Variants in AGAP1 observed in about 807,000 individuals in gnomAD.
AGAP1 encodes ArfGAP with GTPase domain, ankyrin repeat and PH domain 1.
AGAP1 carries 29 observed loss-of-function variants against 105.3 expected under a neutral mutation model. The observed-to-expected ratio is 0.28, with a 90% CI of 0.21 to 0.38. The LOEUF is 0.38. Among genes scored for constraint, AGAP1 ranks in the 10% least tolerant of loss-of-function variants. AGAP1 has a pLI of 1.00. For synonymous variants in AGAP1, 509 were observed against 485.9 expected (o/e 1.05, Z -0.63); for missense variants, 998 against 1,165.1 (o/e 0.86, Z 2.09).
At chr2:235,907,333 C>T (rs954196601) in intron 10 of AGAP1, among the ~76,000 whole-genome samples, 6 of 152,096 alleles carry the variant, frequency 3.9e-5, no homozygotes, top group East Asian at 3.9e-4. Context: ...TGGCTGAGCA[C>T]GGTGGCTTGT....
rs150878626 is a variant in AGAP1, at chr2:235,927,598, G to A, written c.1325-3167G>A. On this transcript the variant is annotated intron_variant, in intron 11 of 17. Transcript: ENST00000304032. The surrounding 1 kb of genome is among the most constrained non-coding windows in gnomAD (Gnocchi z 4.4). ...TCAGCAACCTCCATTGGAACATTTC[G>A]TGGTCCCTTGTCTGGGGTTGAGATT... 3.8e-4 allele frequency among the ~76,000 whole-genome samples: 58 copies of A among 152,258 alleles called. No homozygotes were observed. The highest frequency in any genetic ancestry group is 3.4e-3 in the Middle Eastern group (1 of 294).
At position 236,082,161 on chromosome 2, in the gene AGAP1, C is replaced by T. The variant is rs1433992034; in HGVS notation, c.2114+32880C>T. Reference sequence around the variant, plus strand: ...TAGATGTCCATTTCTGTAAGTTTTCCCTCTAGAACAAACCTATCATTTTTC... The same window carrying T: ...TAGATGTCCATTTCTGTAAGTTTTCTCTCTAGAACAAACCTATCATTTTTC... On this transcript the variant is annotated intron_variant, in intron 16 of 17. Coordinates refer to ENST00000304032, the MANE Select transcript of AGAP1 (RefSeq NM_001037131.3). This position sits in a 1 kb window ranked among gnomAD's most constrained non-coding sequence, Gnocchi z 4.2. Among the ~76,000 whole-genome samples, 2 of 152,160 alleles carry T rather than the reference C, an allele frequency of 1.3e-5. No individual in the cohort carries two copies. The highest frequency in any genetic ancestry group is 2.9e-5 in the Non-Finnish European group (2 of 68,036).
chr2:235,937,929 C>T lies in AGAP1; in HGVS notation c.1483+7006C>T, dbSNP rs559793105. Among the ~76,000 whole-genome samples, 12 of 152,350 alleles carry T rather than the reference C, an allele frequency of 7.9e-5. No homozygotes were observed. In the East Asian group the frequency reaches 2.1e-3, roughly 27 times the overall value. ...GACAATGAAAGTTTCGCTTCCTTGGCCCCTTCCAGCTGCGGTTGCTGCGTT... is the reference window on the plus strand; with the variant it reads ...GACAATGAAAGTTTCGCTTCCTTGGTCCCTTCCAGCTGCGGTTGCTGCGTT... On this transcript the variant is annotated intron_variant, in intron 12 of 17. Coordinates refer to ENST00000304032, the MANE Select transcript of AGAP1 (RefSeq NM_001037131.3).
In AGAP1 at chr2:235,700,240, C is replaced by A. The variant is rs564988777; in HGVS notation, c.164-8939C>A. Among the ~76,000 whole-genome samples, 1 of 152,286 alleles carries A rather than the reference C, an allele frequency of 6.6e-6. No homozygotes were observed. The highest frequency in any genetic ancestry group is 6.5e-5 in the Admixed American group (1 of 15,298). On this transcript the variant is annotated intron_variant, in intron 1 of 17. Coordinates refer to ENST00000304032, the MANE Select transcript of AGAP1 (RefSeq NM_001037131.3). This position sits in a 1 kb window ranked among gnomAD's most constrained non-coding sequence, Gnocchi z 6.1. ...GAACACAGTTCTTCTGAAGGAAATGCGGAAGATAATCCCAGCAGTGCAGGA... is the reference window on the plus strand; with the variant it reads ...GAACACAGTTCTTCTGAAGGAAATGAGGAAGATAATCCCAGCAGTGCAGGA...
chr2:235,661,931 T>C (rs559616970), intron 1 of AGAP1, among the ~76,000 whole-genome samples: 1 of 152,252 alleles, frequency 6.6e-6, no homozygotes, highest in Non-Finnish European at 1.5e-5. Flanking sequence ...TCCCTACAGC[T>C]GGAGGGGAAG....
Position 235,546,512 on chromosome 2 carries a change from C to T in AGAP1, c.163+51663C>T, listed in dbSNP as rs543056561. 7.9e-5 allele frequency among the ~76,000 whole-genome samples: 12 copies of T among 152,250 alleles called. No individual in the cohort carries two copies. In the South Asian group the frequency reaches 2.3e-3, roughly 29 times the overall value. On this transcript the variant is annotated intron_variant, in intron 1 of 17. Transcript: ENST00000304032. ...CTGTGCCTGGGACCCGCATGTCTGT[C>T]ACAGATCTCTGCTGGGAAGCCAGGC...
In AGAP1 at chr2:235,517,294, T is replaced by A. The variant is rs2316435; in HGVS notation, c.163+22445T>A. Reference sequence around the variant, plus strand: ...GACCTTATCTCCAGCGACAGTCACCTTGGGGTGTGAGCCTCTGCAGAGGAA... The same window carrying A: ...GACCTTATCTCCAGCGACAGTCACCATGGGGTGTGAGCCTCTGCAGAGGAA... On this transcript the variant is annotated intron_variant, in intron 1 of 17. Transcript: ENST00000304032. This position sits in a 1 kb window ranked among gnomAD's most constrained non-coding sequence, Gnocchi z 4.1. Among the ~76,000 whole-genome samples, 134,972 of 152,162 alleles carry A rather than the reference T, an allele frequency of 0.89. 60,188 individuals are homozygous for A. Among genetic ancestry groups the A allele is most frequent in the East Asian group, 0.99 (5,095 of 5,166 alleles).
rs927518151 is a variant in AGAP1, at chr2:235,549,401, T to A, written c.163+54552T>A. ...CTCCTGTCAGAGGACCCCAGAGAGC[T>A]CCCCCAGCTACTTGGAGAGATGCTG... On this transcript the variant is annotated intron_variant, in intron 1 of 17. Transcript: ENST00000304032. The surrounding 1 kb of genome is among the most constrained non-coding windows in gnomAD (Gnocchi z 4.2). Among the ~76,000 whole-genome samples the A allele has an allele frequency of 6.6e-6, 1 of 151,896 alleles. No individual in the cohort carries two copies. Among genetic ancestry groups the A allele is most frequent in the African/African-American group, 2.4e-5 (1 of 41,352 alleles).
rs2051256050 is a variant in AGAP1, at chr2:235,905,404, G to T, written c.1156-3334G>T. On this transcript the variant is annotated intron_variant, in intron 10 of 17. Coordinates refer to ENST00000304032, the MANE Select transcript of AGAP1 (RefSeq NM_001037131.3). This position sits in a 1 kb window ranked among gnomAD's most constrained non-coding sequence, Gnocchi z 4.2. The stretch of plus-strand genomic sequence containing the variant: ...AAGTTGGGTTTGCATATTTTCAGTG[G>T]ATATTAATGGAAGTAAACTAAAGAT... Among the ~76,000 whole-genome samples the T allele has an allele frequency of 6.6e-6, 1 of 152,224 alleles. No homozygotes were observed. The highest frequency in any genetic ancestry group is 2.1e-4 in the South Asian group (1 of 4,832).
rs1350773539 is a variant in AGAP1 at position 236,105,236 on chromosome 2, AACATCCC to A, written c.2115-14953_2115-14947del. 2.0e-5 allele frequency among the ~76,000 whole-genome samples: 3 copies of A among 151,942 alleles called. No individual in the cohort carries two copies. The highest frequency in any genetic ancestry group is 7.3e-5 in the African/African-American group (3 of 41,374). On this transcript the variant is annotated intron_variant, in intron 16 of 17. Transcript: ENST00000304032. This position sits in a 1 kb window ranked among gnomAD's most constrained non-coding sequence, Gnocchi z 4.2. ...AATTGGTCTGAATGGAAAAATCCAA[AACATCCC>A]ACTTTAAGAACCCTGCATGCACACA...
At chr2:235,895,746 G>A (rs769700601) in intron 10 of AGAP1, among the ~76,000 whole-genome samples, 1 of 70,938 alleles carries the variant, frequency 1.4e-5, no homozygotes, top group Non-Finnish European at 3.6e-5. Context: ...TGGATGGATG[G>A]ATGAATGGAG....
chr2:235,871,603 T>TA (rs2049443410), intron 9 of AGAP1, among the ~76,000 whole-genome samples: 2 of 152,244 alleles, frequency 1.3e-5, no homozygotes, highest in Non-Finnish European at 2.9e-5. Flanking sequence ...TGATTTTTGT[T>TA]ACAGCAGTAC....
intron 9 of AGAP1, among the ~76,000 whole-genome samples, chr2:235,868,083 A>G (rs1456384917): frequency 2.0e-5 from 3 of 152,202 alleles, no homozygotes; most frequent in Non-Finnish European, 4.4e-5. Context: ...AGAACTTCAT[A>G]GAAACCTTTA....
Position 236,046,065 on chromosome 2 carries a change from G to A in AGAP1, c.1892-2994G>A, listed in dbSNP as rs767075144. On this transcript the variant is annotated intron_variant, in intron 15 of 17. Transcript: ENST00000304032. This position sits in a 1 kb window ranked among gnomAD's most constrained non-coding sequence, Gnocchi z 5.2. ...GGGTGCACCACGGTCTGAACGAGGG[G>A]CCAGCATGAGTGGCTTCTGTATCTG... 1.7e-5 allele frequency: 8 copies of A among 467,960 alleles called. No homozygotes were observed. The East Asian group carries it at 2.8e-4, about 16-fold the overall frequency. 29.0% of individuals were successfully genotyped at this position (467,960 alleles called of 1,614,324 possible).
At chr2:235,530,865 C>T (rs1414003048) in intron 1 of AGAP1, among the ~76,000 whole-genome samples, 2 of 152,126 alleles carry the variant, frequency 1.3e-5, no homozygotes, top group African/African-American at 4.8e-5. Flanking sequence ...GTCTGCCCAC[C>T]TCAGTGTCCT....
intron 4 of AGAP1, among the ~76,000 whole-genome samples, chr2:235,743,523 G>A (rs1052508776): frequency 6.6e-6 from 1 of 152,066 alleles, no homozygotes; most frequent in South Asian, 2.1e-4. Flanking sequence ...CTGCTATCAC[G>A]ATCTTCCCAG....
intron 9 of AGAP1, among the ~76,000 whole-genome samples, chr2:235,844,641 G>A (rs1961261717): frequency 6.6e-6 from 1 of 152,096 alleles, no homozygotes; most frequent in South Asian, 2.1e-4. Flanking sequence ...CCTGACCGAT[G>A]TCTGCCTCCC....
rs113934549 is a variant in AGAP1, at chr2:235,966,390, G to T, written c.1484-2072G>T. Among the ~76,000 whole-genome samples, 3 of 152,126 alleles carry T rather than the reference G, an allele frequency of 2.0e-5. No individual in the cohort carries two copies. In the East Asian group the frequency reaches 5.8e-4, roughly 29 times the overall value. On this transcript the variant is annotated intron_variant, in intron 12 of 17. Transcript: ENST00000304032. The stretch of plus-strand genomic sequence containing the variant: ...GGGCGAGAAGGCCAGTAGAGGAGCC[G>T]TGATGGTGGAGTCACAACAGAGGCA...
At chr2:235,698,369 C>T (rs1950097083) in intron 1 of AGAP1, among the ~76,000 whole-genome samples, 1 of 152,046 alleles carries the variant, frequency 6.6e-6, no homozygotes, top group Non-Finnish European at 1.5e-5. Context: ...GTTGGGGACC[C>T]CTGTTTTAAT....
Sources: gnomAD v4.1 joint callset for allele counts (sites outside exome capture counted in the v4.1 genomes callset) on GRCh38, gnomAD v4.1.1 for gene constraint, Gnocchi (gnomAD v3.1) non-coding constraint, MANE v1.5 for transcripts, NCBI Gene and HGNC (gene_info 2026-07-23, HGNC 2026-07-21) for gene names.